Variants in TRPM3 observed in about 807,000 individuals in gnomAD.
The protein encoded by TRPM3 is long transient receptor potential channel 3.
A neutral mutation model predicts 181.2 loss-of-function variants in TRPM3; 77 were observed. That is an observed-to-expected ratio of 0.42 (90% CI 0.35 to 0.51). The LOEUF (loss-of-function observed/expected upper bound fraction) is 0.51. Ranked by LOEUF, TRPM3 falls within the 20% of genes least tolerant of loss-of-function variation. The probability of loss-of-function intolerance (pLI) is 0.01; values close to 1 mark genes in which losing one functional copy is unlikely to be tolerated. For missense variants in TRPM3, 1,759 were observed against 2,196.7 expected (o/e 0.80, Z 3.98); for synonymous variants, 745 against 796.4 (o/e 0.94, Z 1.09).
chr9:71,353,979 A>G (rs989856477), intron 1 of TRPM3, among the ~76,000 whole-genome samples: 4 of 152,170 alleles, frequency 2.6e-5, no homozygotes, highest in African/African-American at 4.8e-5. Context: ...CTGTCTCCCA[A>G]TCTTTCTATT....
chr9:71,165,359 G>A (rs1473720090), intron 1 of TRPM3, among the ~76,000 whole-genome samples: 1 of 152,104 alleles, frequency 6.6e-6, no homozygotes, highest in Non-Finnish European at 1.5e-5. Context: ...TATGGGTTTT[G>A]TTGTTACAGG....
intron 21 of TRPM3, among the ~76,000 whole-genome samples, chr9:70,593,225 G>A (rs540844174): frequency 2.6e-5 from 4 of 152,228 alleles, no homozygotes; most frequent in African/African-American, 9.6e-5. Flanking sequence ...AGTCTTTAAA[G>A]TTGTATGCTA....
At chr9:70,817,949 GT>G (rs1323083559) in intron 6 of TRPM3, among the ~76,000 whole-genome samples, 4 of 151,262 alleles carry the variant, frequency 2.6e-5, no homozygotes, top group Non-Finnish European at 4.4e-5. Flanking sequence ...AATATTTTTG[GT>G]TTTTTTTGGA....
chr9:70,790,436 A>G (rs2085094920), intron 6 of TRPM3, among the ~76,000 whole-genome samples: 3 of 152,228 alleles, frequency 2.0e-5, no homozygotes, highest in Non-Finnish European at 2.9e-5. Context: ...AGCATGTCCC[A>G]GTAACATGAA....
At chr9:71,222,183 C>G (rs188944082) in intron 1 of TRPM3, among the ~76,000 whole-genome samples, 1 of 152,270 alleles carries the variant, frequency 6.6e-6, no homozygotes, top group Non-Finnish European at 1.5e-5. Context: ...GAATGAATGA[C>G]TAAAAATATA....
At chr9:70,844,242 CAT>C (rs1258371450) in intron 4 of TRPM3, among the ~76,000 whole-genome samples, 35 of 152,266 alleles carry the variant, frequency 2.3e-4, no homozygotes, top group Non-Finnish European at 3.4e-4. Context: ...TGGGAAAAGA[CAT>C]GTGTATTTAA....
intron 1 of TRPM3, among the ~76,000 whole-genome samples, chr9:71,218,747 C>G (rs1204626987): frequency 6.6e-6 from 1 of 152,188 alleles, no homozygotes; most frequent in Non-Finnish European, 1.5e-5. Flanking sequence ...ATTATACTTT[C>G]ATTTACGTAA....
At chr9:71,308,466 G>A (rs1020190064) in intron 1 of TRPM3, among the ~76,000 whole-genome samples, 1 of 152,002 alleles carries the variant, frequency 6.6e-6, no homozygotes, top group Admixed American at 6.6e-5. Context: ...TAGCAATTCA[G>A]GCAGAATCTA....
At chr9:70,836,162 C>G (rs569910227) in intron 5 of TRPM3, among the ~76,000 whole-genome samples, 1 of 152,294 alleles carries the variant, frequency 6.6e-6, no homozygotes, top group East Asian at 1.9e-4. Context: ...CTCTCCCATT[C>G]TCCTTCAGTG....
intron 1 of TRPM3, among the ~76,000 whole-genome samples, chr9:71,138,077 G>A (rs969733659): frequency 1.7e-4 from 26 of 151,686 alleles, no homozygotes; most frequent in Non-Finnish European, 3.1e-4. Flanking sequence ...TCTTGCCACT[G>A]CACCCCAGCC....
chr9:70,761,339 GT>G, intron 8 of TRPM3: 1 of 627,764 alleles, frequency 1.6e-6, no homozygotes, highest in Non-Finnish European at 2.9e-6. Context: ...AACTCATTTT[GT>G]TGAGGCAGTC....
At chr9:70,796,676 A>C (rs1440205262) in intron 6 of TRPM3, among the ~76,000 whole-genome samples, 2 of 152,272 alleles carry the variant, frequency 1.3e-5, no homozygotes, top group Non-Finnish European at 2.9e-5. Flanking sequence ...TTGAAGTTTT[A>C]TCACATTAAT....
At chr9:71,150,720 A>C (rs1050221177) in intron 1 of TRPM3, among the ~76,000 whole-genome samples, 15 of 152,272 alleles carry the variant, frequency 9.9e-5, no homozygotes, top group African/African-American at 3.4e-4. Flanking sequence ...CTTCAATACT[A>C]TCACAACATA....
At chr9:70,584,101 G>A (rs187463867) in intron 22 of TRPM3, among the ~76,000 whole-genome samples, 6 of 151,908 alleles carry the variant, frequency 3.9e-5, no homozygotes, top group Non-Finnish European at 5.9e-5. Context: ...GTGCAGTGGC[G>A]CAATAATGTG....
chr9:70,855,179 G>A (rs942558090), intron 3 of TRPM3, among the ~76,000 whole-genome samples: 4 of 152,096 alleles, frequency 2.6e-5, no homozygotes, highest in Non-Finnish European at 5.9e-5. Context: ...TCATGGCTTC[G>A]CTCTGCACTG....
chr9:71,289,231 T>C (rs1554864519), intron 1 of TRPM3, among the ~76,000 whole-genome samples: 2 of 152,064 alleles, frequency 1.3e-5, no homozygotes, highest in Non-Finnish European at 2.9e-5. Flanking sequence ...CCCACAAATA[T>C]TTAGTATCTA....
chr9:70,798,402 A>G (rs1359910638), intron 6 of TRPM3, among the ~76,000 whole-genome samples: 1 of 152,184 alleles, frequency 6.6e-6, no homozygotes, highest in East Asian at 1.9e-4. Context: ...CCTAAGTCAA[A>G]CTTCATAGTT....
At chr9:70,993,119 G>A (rs918690952) in intron 1 of TRPM3, among the ~76,000 whole-genome samples, 6 of 152,162 alleles carry the variant, frequency 3.9e-5, no homozygotes, top group African/African-American at 1.4e-4. Context: ...CATATTGTAG[G>A]ACTCTGTAAA....
At chr9:70,905,672 A>G (rs2096454201) in intron 1 of TRPM3, among the ~76,000 whole-genome samples, 1 of 152,170 alleles carries the variant, frequency 6.6e-6, no homozygotes, top group Non-Finnish European at 1.5e-5. Context: ...TATAATAACA[A>G]TGCTCCAGTG....
Sources: allele counts gnomAD v4.1 joint callset (sites outside exome capture counted in the v4.1 genomes callset), GRCh38; gene constraint gnomAD v4.1.1; transcripts MANE v1.5; gene names NCBI Gene and HGNC (gene_info 2026-07-23, HGNC 2026-07-21).